The following KMT2C variants were observed in gnomAD, a reference collection of about 807,000 sequenced individuals.
KMT2C encodes the protein lysine methyltransferase 2C, also known as histone-lysine N-methyltransferase 2C.
A neutral mutation model predicts 507.9 loss-of-function variants in KMT2C; 88 were observed. The observed-to-expected ratio is 0.17, with a 90% confidence interval of 0.15 to 0.21. The LOEUF is 0.21. Ranked by LOEUF, KMT2C falls within the 10% of genes least tolerant of loss-of-function variation. The probability of loss-of-function intolerance (pLI) is 1.00; values close to 1 mark genes in which losing one functional copy is unlikely to be tolerated. For synonymous variants in KMT2C, 2,049 were observed against 2,080.8 expected, an observed-to-expected ratio of 0.98 and a Z score of 0.42; for missense variants, 4,954 against 5,957.8, an observed-to-expected ratio of 0.83 and a Z score of 5.55.
chr7:152,306,915 T>C (rs1194417972), intron 6 of KMT2C, among the ~76,000 whole-genome samples: 1 of 152,132 alleles, frequency 6.6e-6, no homozygotes, highest in Admixed American at 6.6e-5. Flanking sequence ...TCCCAGTACT[T>C]CGGGAGGATG....
At chr7:152,366,110 C>T (rs1462694270) in intron 1 of KMT2C, among the ~76,000 whole-genome samples, 4 of 152,086 alleles carry the variant, frequency 2.6e-5, no homozygotes, top group Non-Finnish European at 4.4e-5. Flanking sequence ...TTGGCAAGGA[C>T]GTGGAGAAAC....
At chr7:152,207,540 C>A in intron 23 of KMT2C, 112 bp from the exon 24 acceptor site, 2 of 885,536 alleles carry the variant, frequency 2.3e-6, no homozygotes, top group South Asian at 3.2e-5. Flanking sequence ...AATTGTACAT[C>A]CCTGTTGGTA....
chr7:152,258,080 A>AC (rs2095691959), intron 9 of KMT2C, among the ~76,000 whole-genome samples: 1 of 152,162 alleles, frequency 6.6e-6, no homozygotes, highest in South Asian at 2.1e-4. Flanking sequence ...CAATGAGCAC[A>AC]CCCAGCACCC....
chr7:152,224,751 C>T (rs1449972133), intron 18 of KMT2C, 135 bp from the exon 19 acceptor site: 6 of 651,424 alleles, frequency 9.2e-6, no homozygotes, highest in Admixed American at 2.8e-5. Flanking sequence ...TGAGCACCTA[C>T]GGAGGCCCAA....
intron 1 of KMT2C, among the ~76,000 whole-genome samples, chr7:152,364,396 A>C (rs1271227137): frequency 6.6e-6 from 1 of 152,058 alleles, no homozygotes; most frequent in Non-Finnish European, 1.5e-5. Flanking sequence ...TCACAAGGTC[A>C]GGAGATCGAG....
intron 1 of KMT2C, among the ~76,000 whole-genome samples, chr7:152,359,198 A>G (rs2097175556): frequency 1.3e-5 from 2 of 152,126 alleles, no homozygotes; most frequent in African/African-American, 4.8e-5. Context: ...CCACCTTACA[A>G]GCATAATAAA....
At chr7:152,180,512 G>A (rs1271614363) in intron 36 of KMT2C, among the ~76,000 whole-genome samples, 199 bp downstream of exon 36, 2 of 152,102 alleles carry the variant, frequency 1.3e-5, no homozygotes, top group Non-Finnish European at 1.5e-5. Flanking sequence ...CTGCGAATTC[G>A]TGAAAACTGA....
At chr7:152,332,851 A>AACAAAC (rs2096896398) in intron 2 of KMT2C, among the ~76,000 whole-genome samples, 1 of 138,520 alleles carries the variant, frequency 7.2e-6, no homozygotes, top group African/African-American at 2.7e-5. Flanking sequence ...TGCGTCTCAA[A>AACAAAC]ACACACACAC....
intron 1 of KMT2C, among the ~76,000 whole-genome samples, chr7:152,369,840 G>A (rs770757992): frequency 5.9e-5 from 9 of 152,014 alleles, no homozygotes; most frequent in South Asian, 4.1e-4. Context: ...ACCAACTCTC[G>A]GGTATTTTGC....
chr7:152,182,714 A>G lies in KMT2C; in HGVS notation c.5266-120T>C, dbSNP rs559612838. ...ATGTCAGCGCTACCAGATTGCTCCC[A>G]TATTAGATTATGAATTCCTGAAGAA... On this transcript the variant is annotated intron_variant, in intron 35 of 58. Transcript: ENST00000262189. The G allele has an allele frequency of 1.5e-4, 138 of 903,238 alleles. 1 individual carries two copies. In the South Asian group the frequency reaches 2.3e-3, roughly 15 times the overall value. 56.0% of individuals were successfully genotyped at this position (903,238 alleles called of 1,614,324 possible). A position where few individuals can be genotyped will look rare whatever the true frequency, so the allele number is the denominator to read the frequency against.
intron 38 of KMT2C, 30 bp downstream of exon 38, chr7:152,176,161 A>G (rs755564348): frequency 6.5e-7 from 1 of 1,548,506 alleles, no homozygotes; most frequent in Non-Finnish European, 8.7e-7. Context: ...ACCCATAGTA[A>G]TATACGTTGA....
At chr7:152,168,403 A>T (rs2092826507) in intron 41 of KMT2C, among the ~76,000 whole-genome samples, 1 of 152,206 alleles carries the variant, frequency 6.6e-6, no homozygotes, top group South Asian at 2.1e-4. Context: ...CAATTAATGT[A>T]GGGGGAATTT....
intron 1 of KMT2C, chr7:152,368,237 A>G: frequency 1.1e-6 from 1 of 898,034 alleles, no homozygotes; most frequent in Non-Finnish European, 1.9e-6. Context: ...CACACTCAGG[A>G]CTTGAAAGAT....
At position 152,368,769 on chromosome 7, in the gene KMT2C, G is replaced by A. The variant is rs1172118916; in HGVS notation, c.162-10094C>T. The stretch of plus-strand genomic sequence containing the variant: ...ATGCACCAGTTTCATCCATAATGAT[G>A]GATTTAACAGCGTGACAAAAATTAT... On this transcript the variant is annotated intron_variant, in intron 1 of 58. Coordinates refer to ENST00000262189, the MANE Select transcript of KMT2C (RefSeq NM_170606.3). The A allele has an allele frequency of 1.0e-5, 8 of 785,386 alleles. No individual in the cohort carries two copies. The African/African-American group carries it at 1.1e-4, about 10-fold the overall frequency. The allele number at this position is 785,386 out of a possible 1,614,324, so 48.7% of individuals were successfully genotyped here.
At chr7:152,317,078 T>C (rs888727152) in intron 3 of KMT2C, among the ~76,000 whole-genome samples, 1 of 152,178 alleles carries the variant, frequency 6.6e-6, no homozygotes, top group Non-Finnish European at 1.5e-5. Context: ...GATTAGAAAA[T>C]GGAGCAATAT....
chr7:152,373,275 T>C (rs138738307), intron 1 of KMT2C, among the ~76,000 whole-genome samples: 25 of 152,316 alleles, frequency 1.6e-4, no homozygotes, highest in Non-Finnish European at 3.1e-4. Context: ...AGCTGTATAC[T>C]CCATGAAGAC....
chr7:152,253,358 G>A (rs776587518), intron 9 of KMT2C, among the ~76,000 whole-genome samples: 3 of 151,608 alleles, frequency 2.0e-5, no homozygotes, highest in Non-Finnish European at 4.4e-5. Flanking sequence ...TTTTTGTGGA[G>A]TAAGTCTGCT....
At chr7:152,296,217 T>C (rs2096493877) in intron 6 of KMT2C, among the ~76,000 whole-genome samples, 1 of 150,988 alleles carries the variant, frequency 6.6e-6, no homozygotes, top group Non-Finnish European at 1.5e-5. Context: ...TCACCTGAGG[T>C]CAGGAGTTCA....
At chr7:152,245,113 T>G (rs1423998291) in intron 14 of KMT2C, among the ~76,000 whole-genome samples, 8 of 152,224 alleles carry the variant, frequency 5.3e-5, no homozygotes, top group Non-Finnish European at 1.2e-4. Context: ...AAAGATTTGT[T>G]GCAGCAACAA....
Sources: allele counts gnomAD v4.1 joint callset (sites outside exome capture counted in the v4.1 genomes callset), GRCh38; gene constraint gnomAD v4.1.1; transcripts MANE v1.5; gene names NCBI Gene and HGNC (gene_info 2026-07-23, HGNC 2026-07-21).